Variants in PSEN2 observed in about 807,000 individuals in gnomAD.
PSEN2 encodes the protein presenilin-2.
Under a neutral mutation model 49.1 loss-of-function variants are expected in PSEN2, and 32 were observed. The ratio of observed to expected loss-of-function variants is 0.65; its 90% CI spans 0.49 to 0.88. PSEN2 has a LOEUF of 0.88. Among genes scored for constraint, PSEN2 ranks in the 40% least tolerant of loss-of-function variants. PSEN2 has a pLI of 0.00. For synonymous variants in PSEN2, 255 were observed against 244.0 expected, an observed-to-expected ratio of 1.05 and a Z score of -0.42; for missense variants, 522 against 586.9, an observed-to-expected ratio of 0.89 and a Z score of 1.14.
At chr1:226,889,988 G>T in intron 8 of PSEN2, 47 bp from the exon 9 acceptor site, 2 of 1,501,782 alleles carry the variant, frequency 1.3e-6, no homozygotes, top group Non-Finnish European at 9.3e-7. Context: ...CTCTTCTTCA[G>T]GGGGCTGCCC....
intron 3 of PSEN2, among the ~76,000 whole-genome samples, chr1:226,879,836 T>G (rs1245637591): frequency 2.0e-5 from 3 of 152,238 alleles, no homozygotes; most frequent in African/African-American, 7.2e-5. Context: ...TGTACTTGTC[T>G]CATCTATCCT....
At chr1:226,888,757 G>A in intron 7 of PSEN2, 72 bp from the exon 8 acceptor site, 1 of 1,351,486 alleles carries the variant, frequency 7.4e-7, no homozygotes. Context: ...GGTTGGGACT[G>A]AATGGTGGTA....
intron 2 of PSEN2, among the ~76,000 whole-genome samples, chr1:226,872,529 C>T (rs1206516163): frequency 6.6e-6 from 1 of 152,198 alleles, no homozygotes; most frequent in Admixed American, 6.5e-5. Context: ...TATTCAACTC[C>T]TACCCGTGTC....
At chr1:226,899,741 G>A (rs768629203), downstream of PSEN2, among the ~76,000 whole-genome samples, 5 of 152,138 alleles carry the variant, frequency 3.3e-5, no homozygotes, top group Non-Finnish European at 7.3e-5. Flanking sequence ...GGTATCAGGG[G>A]TCAGATGCCT....
intron 12 of PSEN2, among the ~76,000 whole-genome samples, chr1:226,903,006 T>G (rs915038408): frequency 6.7e-6 from 1 of 149,262 alleles, no homozygotes; most frequent in Non-Finnish European, 1.5e-5. Flanking sequence ...AAGAATTATT[T>G]GTACTATTCC....
intron 12 of PSEN2, among the ~76,000 whole-genome samples, chr1:226,902,073 G>A (rs1472114579): frequency 1.3e-5 from 2 of 152,194 alleles, no homozygotes; most frequent in African/African-American, 2.4e-5. Flanking sequence ...TTAGGGACCA[G>A]GGACTGGTGT....
intron 4 of PSEN2, among the ~76,000 whole-genome samples, chr1:226,883,375 A>G (rs1661119740): frequency 6.6e-6 from 1 of 152,230 alleles, no homozygotes; most frequent in South Asian, 2.1e-4. Flanking sequence ...GGCCACATGA[A>G]CAGAATTGAG....
rs761557286 is a variant in PSEN2 at position 226,885,533 on chromosome 1, C to G, written c.357-5C>G. ...GGAGCATCAGCCCTTTGCCTTCTCC[C>G]TCAGCATCTACACGCCATTCACTGA... On this transcript the variant is annotated splice_region_variant and splice_polypyrimidine_tract_variant and intron_variant, in intron 5 of 12. Transcript: ENST00000366783. 2.5e-6 allele frequency: 4 copies of G among 1,613,388 alleles called. No individual in the cohort carries two copies. The East Asian group carries it at 8.9e-5, about 36-fold the overall frequency.
Position 226,883,688 on chromosome 1 carries a change from G to A in PSEN2, c.142-17G>A, listed in dbSNP as rs777396999. 6 of 1,612,160 alleles carry A rather than the reference G, an allele frequency of 3.7e-6. No homozygotes were observed. The highest frequency in any genetic ancestry group is 2.2e-5 in the East Asian group (1 of 44,872). Reference sequence around the variant, plus strand: ...GTGGGGGACATTCTGCGGCCCTCACGATGTGGTTTCCCACAGAGAAGCCAG... The same window carrying A: ...GTGGGGGACATTCTGCGGCCCTCACAATGTGGTTTCCCACAGAGAAGCCAG... On this transcript the variant is annotated splice_polypyrimidine_tract_variant and intron_variant, in intron 4 of 12. Coordinates refer to ENST00000366783, the MANE Select transcript of PSEN2 (RefSeq NM_000447.3).
Position 226,891,891 on chromosome 1 carries a change from C to T in PSEN2, c.1072+47C>T, listed in dbSNP as rs202142711. The stretch of plus-strand genomic sequence containing the variant: ...GGCCTGCTTCAGCCTACGGCGGGAG[C>T]GGAGACAGAGGGTGGAGGCTCCCTG... On this transcript the variant is annotated intron_variant, in intron 11 of 12. Transcript: ENST00000366783. 90 of 1,565,078 alleles carry T rather than the reference C, an allele frequency of 5.8e-5. No homozygotes were observed. The African/African-American group carries it at 6.2e-4, about 11-fold the overall frequency.
At chr1:226,888,040 A>C (rs1307510226) in intron 6 of PSEN2, 51 bp from the exon 7 acceptor site, 1 of 1,485,096 alleles carries the variant, frequency 6.7e-7, no homozygotes, top group South Asian at 1.1e-5. Context: ...GGGGCCTTAG[A>C]ATTTGTGGCG....
chr1:226,901,657 G>A (rs891683303), downstream of PSEN2, among the ~76,000 whole-genome samples: 3 of 152,132 alleles, frequency 2.0e-5, no homozygotes, highest in Non-Finnish European at 4.4e-5. Flanking sequence ...GACTAATGAC[G>A]TTGGGCACCT....
intron 6 of PSEN2, among the ~76,000 whole-genome samples, chr1:226,886,711 G>T (rs570888869): frequency 6.6e-6 from 1 of 152,366 alleles, no homozygotes; most frequent in South Asian, 2.1e-4. Context: ...CAGGGACAGT[G>T]CAGGGAGGGA....
chr1:226,877,146 C>T (rs560610682), intron 3 of PSEN2, among the ~76,000 whole-genome samples: 19 of 152,226 alleles, frequency 1.2e-4, no homozygotes, highest in African/African-American at 3.4e-4. Flanking sequence ...CCAGCCTGTT[C>T]GGGTGATTAT....
rs984047270 is a variant in PSEN2 at position 226,888,099 on chromosome 1, T to C, written c.507T>C (p.His169=). ...CAATTTCTGTTGTCTAGTTCATCCA[T>C]GGCTGGTTGATCATGTCTTCACTGA... ...LYKYRCYKFI[H]GWLIMSSLML... The change falls in exon 7 of 13, where the codon CAT becomes CAC. Residue 169 remains histidine (H), a synonymous_variant. Coordinates refer to ENST00000366783, the MANE Select transcript of PSEN2 (RefSeq NM_000447.3). 14 of 1,613,546 alleles carry C rather than the reference T, an allele frequency of 8.7e-6. No individual in the cohort carries two copies. Among genetic ancestry groups the C allele is most frequent in the Admixed American group, 1.7e-5 (1 of 60,012 alleles).
In PSEN2 at chr1:226,883,751, A is replaced by G. The variant is rs1661151005; in HGVS notation, c.188A>G (p.Tyr63Cys). The G allele has an allele frequency of 1.9e-6, 3 of 1,613,888 alleles. No homozygotes were observed. Among genetic ancestry groups the G allele is most frequent in the African/African-American group, 1.3e-5 (1 of 74,894 alleles). ...EEDGEEDPDR[Y>C]VCSGVPGRPP... is the part of the protein sequence containing the mutation. ...GACGGTGAGGAGGACCCTGACCGCT[A>G]TGTCTGTAGTGGGGTTCCCGGGCGG... Residue 63 changes from tyrosine (Y) to cysteine (C), a missense_variant, in exon 5 of 13, where the codon TAT (tyrosine) becomes TGT (cysteine). Coordinates refer to ENST00000366783, the MANE Select transcript of PSEN2 (RefSeq NM_000447.3).
chr1:226,899,612 A>G (rs1233973990), downstream of PSEN2: 1 of 152,278 alleles, frequency 6.6e-6, no homozygotes, highest in Non-Finnish European at 1.5e-5. Context: ...CTACAGAAGT[A>G]TAATAGTGTG....
At chr1:226,878,368 G>A (rs561482615) in intron 3 of PSEN2, among the ~76,000 whole-genome samples, 4 of 152,220 alleles carry the variant, frequency 2.6e-5, no homozygotes, top group East Asian at 3.9e-4. Context: ...CCCAGGGAGC[G>A]TCTTATTAGT....
At position 226,891,219 on chromosome 1, in the gene PSEN2, G is replaced by C. The variant is rs1661718073; in HGVS notation, c.887-59G>C. 2.0e-6 allele frequency: 3 copies of C among 1,489,608 alleles called. No homozygotes were observed. The South Asian group carries it at 3.5e-5, about 17-fold the overall frequency. 92.3% of individuals were successfully genotyped at this position (1,489,608 alleles called of 1,614,324 possible). A position where few individuals can be genotyped will look rare whatever the true frequency, so the allele number is the denominator to read the frequency against. The stretch of plus-strand genomic sequence containing the variant: ...GACGCAGACTGGCCACCTCCCCCAG[G>C]CCCTGCAGGCAGCCACTGTTAGCAC... On this transcript the variant is annotated intron_variant, in intron 9 of 12. Transcript: ENST00000366783.
Sources: allele counts gnomAD v4.1 joint callset (sites outside exome capture counted in the v4.1 genomes callset), GRCh38; gene constraint gnomAD v4.1.1; transcripts MANE v1.5; gene names NCBI Gene and HGNC (gene_info 2026-07-23, HGNC 2026-07-21).